The following PLCZ1 variants were observed in gnomAD, a reference collection of about 807,000 sequenced individuals.
PLCZ1 encodes the protein 1-phosphatidylinositol 4,5-bisphosphate phosphodiesterase zeta-1.
PLCZ1 carries 64 observed loss-of-function variants against 76.8 expected under a neutral mutation model. That is an observed-to-expected ratio of 0.83 (90% CI 0.68 to 1.03). PLCZ1 has a LOEUF of 1.03. PLCZ1 is among the 50% of genes least tolerant of loss of function. PLCZ1 has a pLI of 0.00. For synonymous variants in PLCZ1, 248 were observed against 230.8 expected (o/e 1.07, Z -0.68); for missense variants, 751 against 713.7 (o/e 1.05, Z -0.60).
At chr12:18,673,476 G>C in the PLCZ1 span, among the ~76,000 whole-genome samples, 1 of 152,048 alleles carries the variant, frequency 6.6e-6, no homozygotes, top group Non-Finnish European at 1.5e-5. Context: ...TGATGGCAAG[G>C]AAAAAGCCAA....
intron 7 of PLCZ1, 86 bp downstream of exon 7, chr12:18,705,080 C>G (rs1345949254): frequency 4.6e-6 from 7 of 1,514,740 alleles, no homozygotes; most frequent in South Asian, 2.3e-5. Context: ...TCATTGGTCT[C>G]TAGCCCAGTT....
the PLCZ1 span, among the ~76,000 whole-genome samples, chr12:18,660,895 A>C: frequency 1.3e-5 from 2 of 152,176 alleles, no homozygotes; most frequent in Non-Finnish European, 2.9e-5. Flanking sequence ...CAAAGAAGTA[A>C]AGGAAGATGT....
chr12:18,707,694 G>A (rs917450491), intron 6 of PLCZ1, among the ~76,000 whole-genome samples: 2 of 151,920 alleles, frequency 1.3e-5, no homozygotes, highest in Non-Finnish European at 2.9e-5. Flanking sequence ...CATAATTATT[G>A]TCTATGTAAT....
rs767032076 is a variant in PLCZ1 at position 18,699,986 on chromosome 12, C to T, written c.1018-36G>A. On this transcript the variant is annotated intron_variant, in intron 9 of 14. Transcript: ENST00000266505. ...AATGCAGTAATTTTACATTTTTATG[C>T]TAATCATTGGGAAAAAAAATTTTTT... 7 of 1,580,372 alleles carry T rather than the reference C, an allele frequency of 4.4e-6. No individual in the cohort carries two copies. In the South Asian group the frequency reaches 8.0e-5, roughly 18 times the overall value.
chr12:18,650,293 TTCTC>T, the PLCZ1 span, among the ~76,000 whole-genome samples: 4,572 of 87,320 alleles, frequency 0.052, 111 homozygotes, highest in East Asian at 0.12. Flanking sequence ...TAACCCAAAT[TTCTC>T]TCTCTCTCTC....
the PLCZ1 span, among the ~76,000 whole-genome samples, chr12:18,675,944 A>G: frequency 6.6e-6 from 1 of 152,116 alleles, no homozygotes; most frequent in African/African-American, 2.4e-5. Context: ...CAAGCACATT[A>G]GAAACTCAAA....
the PLCZ1 span, among the ~76,000 whole-genome samples, chr12:18,675,722 G>T: frequency 6.6e-6 from 1 of 152,090 alleles, no homozygotes; most frequent in Non-Finnish European, 1.5e-5. Context: ...ATCTTTTGCA[G>T]CAACATGGAT....
chr12:18,654,839 G>A, the PLCZ1 span, among the ~76,000 whole-genome samples: 2 of 152,038 alleles, frequency 1.3e-5, no homozygotes, highest in South Asian at 4.2e-4. Flanking sequence ...TCTTAATGTG[G>A]GACATTCTCA....
Position 18,694,961 on chromosome 12 carries a change from G to T in PLCZ1, c.1410C>A (p.Tyr470Ter), listed in dbSNP as rs573941980. The change falls in exon 12 of 15, where the codon TAC becomes TAA. Residue 470 changes from tyrosine to a stop codon, truncating the protein, a stop_gained. Coordinates refer to ENST00000266505, the MANE Select transcript of PLCZ1 (RefSeq NM_033123.4). LOFTEE classifies it high-confidence loss of function. ...CCTCTTTTATGTTACTTGGGTTAAA[G>T]TATGATTTACTCTCTCTTAAGAAAT... ...KPHFLRESKS[Y>*]FNPSNIKEGM... 6.2e-7 allele frequency: 1 copy of T among 1,605,730 alleles called. No homozygotes were observed. Among genetic ancestry groups the T allele is most frequent in the Non-Finnish European group, 8.5e-7 (1 of 1,173,102 alleles).
At chr12:18,687,267 A>G (rs944185601) in intron 13 of PLCZ1, among the ~76,000 whole-genome samples, 1 of 152,150 alleles carries the variant, frequency 6.6e-6, no homozygotes, top group Non-Finnish European at 1.5e-5. Context: ...AGAAATTATT[A>G]TCCAAGAAGA....
At chr12:18,717,412 C>G (rs954644012) in intron 5 of PLCZ1, among the ~76,000 whole-genome samples, 2 of 152,052 alleles carry the variant, frequency 1.3e-5, no homozygotes, top group Admixed American at 1.3e-4. Flanking sequence ...TTGATATTAT[C>G]TTGGAATTAG....
In PLCZ1 at chr12:18,737,261, G is replaced by A. The variant is rs1959455712; in HGVS notation, c.11+100C>T. The A allele has an allele frequency of 1.1e-5, 14 of 1,274,784 alleles. 1 individual carries two copies. In the Middle Eastern group the frequency reaches 2.4e-3, roughly 220 times the overall value. The allele number at this position is 1,274,784 out of a possible 1,614,324, so 79.0% of individuals were successfully genotyped here. A position where few individuals can be genotyped will look rare whatever the true frequency, so the allele number is the denominator to read the frequency against. ...AAAGCAGTTCAACTTAAATGAAGAG[G>A]ACTTAAATTCAGAACTCCTCGAAAA... On this transcript the variant is annotated intron_variant, in intron 2 of 14. Coordinates refer to ENST00000266505, the MANE Select transcript of PLCZ1 (RefSeq NM_033123.4).
intron 12 of PLCZ1, among the ~76,000 whole-genome samples, chr12:18,690,879 T>C (rs952508396): frequency 2.6e-5 from 4 of 152,062 alleles, no homozygotes; most frequent in African/African-American, 9.7e-5. Context: ...TGGTGAGAGA[T>C]AGGGCTAGGC....
chr12:18,649,299 C>T, the PLCZ1 span, among the ~76,000 whole-genome samples: 2 of 152,166 alleles, frequency 1.3e-5, no homozygotes, highest in East Asian at 1.9e-4. Flanking sequence ...TTCCATGTTC[C>T]ACCTCTCTGC....
At chr12:18,727,975 T>A (rs558953477) in intron 3 of PLCZ1, among the ~76,000 whole-genome samples, 2 of 151,576 alleles carry the variant, frequency 1.3e-5, no homozygotes, top group South Asian at 4.2e-4. Context: ...AGAAGAAGAG[T>A]CTGAAAACCT....
intron 3 of PLCZ1, among the ~76,000 whole-genome samples, chr12:18,730,490 A>G (rs2150752834): frequency 6.6e-6 from 1 of 152,232 alleles, no homozygotes; most frequent in East Asian, 1.9e-4. Context: ...TTATGCTTCT[A>G]AAGTACTTAC....
At chr12:18,718,578 A>G (rs1222024887) in intron 5 of PLCZ1, among the ~76,000 whole-genome samples, 3 of 152,048 alleles carry the variant, frequency 2.0e-5, no homozygotes, top group Non-Finnish European at 4.4e-5. Context: ...TCTGTTTAAC[A>G]TGACCTTCCC....
chr12:18,700,849 T>C (rs1463611246), intron 9 of PLCZ1, among the ~76,000 whole-genome samples: 1 of 152,154 alleles, frequency 6.6e-6, no homozygotes, highest in Non-Finnish European at 1.5e-5. Flanking sequence ...ACATATAACA[T>C]TATGTATTAT....
the PLCZ1 span, among the ~76,000 whole-genome samples, chr12:18,651,770 C>T: frequency 6.6e-6 from 1 of 152,194 alleles, no homozygotes; most frequent in African/African-American, 2.4e-5. Flanking sequence ...CAAGGGAAGG[C>T]TCCTTGCAGG....
Sources: gnomAD v4.1 joint callset for allele counts (sites outside exome capture counted in the v4.1 genomes callset) on GRCh38, gnomAD v4.1.1 for gene constraint, MANE v1.5 for transcripts, NCBI Gene and HGNC (gene_info 2026-07-23, HGNC 2026-07-21) for gene names.